The following SNTG1 variants were observed in gnomAD, a reference collection of about 807,000 sequenced individuals.
SNTG1 encodes the protein syntrophin gamma 1, also known as gamma-1-syntrophin.
A neutral mutation model predicts 74.7 loss-of-function variants in SNTG1; 39 were observed. The observed-to-expected ratio is 0.52, with a 90% confidence interval of 0.40 to 0.68. SNTG1 has a LOEUF of 0.68. SNTG1 is among the 30% of genes least tolerant of loss of function. The pLI is 0.00. For missense variants in SNTG1, 685 were observed against 609.5 expected, an observed-to-expected ratio of 1.12 and a Z score of -1.30; for synonymous variants, 254 against 217.1, an observed-to-expected ratio of 1.17 and a Z score of -1.49.
At chr8:50,067,960 C>T (rs1489780071) in intron 1 of SNTG1, among the ~76,000 whole-genome samples, 1 of 152,108 alleles carries the variant, frequency 6.6e-6, no homozygotes, top group East Asian at 1.9e-4. Context: ...GATTCCTCTA[C>T]GTGTATTTCA....
chr8:50,334,998 G>C (rs1563912526), intron 2 of SNTG1, among the ~76,000 whole-genome samples: 1 of 152,144 alleles, frequency 6.6e-6, no homozygotes, highest in Non-Finnish European at 1.5e-5. Context: ...TAATATTCCT[G>C]TGTGTGGTGC....
At chr8:50,087,775 T>A (rs1032681691) in intron 1 of SNTG1, among the ~76,000 whole-genome samples, 1 of 151,840 alleles carries the variant, frequency 6.6e-6, no homozygotes, top group African/African-American at 2.4e-5. Context: ...TTTATTTATT[T>A]TTTATTTATT....
At chr8:50,098,566 G>T (rs2080013981) in intron 1 of SNTG1, among the ~76,000 whole-genome samples, 1 of 152,210 alleles carries the variant, frequency 6.6e-6, no homozygotes, top group Non-Finnish European at 1.5e-5. Flanking sequence ...AACATCCGTG[G>T]ATTTTGTTTT....
intron 2 of SNTG1, among the ~76,000 whole-genome samples, chr8:50,241,474 T>C (rs1189270737): frequency 3.3e-5 from 5 of 152,174 alleles, no homozygotes; most frequent in Non-Finnish European, 7.3e-5. Context: ...GCTGCCACAG[T>C]GACAAAGATG....
upstream of SNTG1, chr8:49,911,079 C>A (rs904455472): frequency 6.2e-4 from 95 of 152,106 alleles, 1 homozygote; most frequent in African/African-American, 2.3e-3. Flanking sequence ...CTGTCTTTTT[C>A]ATTCTTTCAT....
chr8:50,199,789 C>T (rs1586666979), intron 2 of SNTG1, among the ~76,000 whole-genome samples: 1 of 152,110 alleles, frequency 6.6e-6, no homozygotes, highest in Non-Finnish European at 1.5e-5. Flanking sequence ...TGGGCCTTAT[C>T]TTAGCAGAGA....
intron 2 of SNTG1, among the ~76,000 whole-genome samples, chr8:50,274,085 GT>G (rs1326329659): frequency 6.6e-6 from 1 of 151,946 alleles, no homozygotes; most frequent in African/African-American, 2.4e-5. Flanking sequence ...AGTTTTTGTT[GT>G]TGTTGTTGTT....
chr8:50,433,697 G>T (rs1183107802), intron 4 of SNTG1, among the ~76,000 whole-genome samples: 1 of 152,050 alleles, frequency 6.6e-6, no homozygotes, highest in Non-Finnish European at 1.5e-5. Context: ...ATGTTTGAAT[G>T]AATATTTATT....
chr8:50,652,837 TA>T (rs1263891876), intron 13 of SNTG1, among the ~76,000 whole-genome samples: 4 of 151,696 alleles, frequency 2.6e-5, no homozygotes, highest in African/African-American at 9.7e-5. Flanking sequence ...AATAAATAAA[TA>T]AAAGGTATGT....
chr8:50,779,590 A>C (rs980563706), intron 18 of SNTG1, among the ~76,000 whole-genome samples: 7 of 149,890 alleles, frequency 4.7e-5, no homozygotes, highest in Admixed American at 6.6e-5. Context: ...TTATCAGCTT[A>C]AGGAGATTTT....
At chr8:50,042,325 T>A (rs1586019628) in intron 1 of SNTG1, among the ~76,000 whole-genome samples, 2 of 152,138 alleles carry the variant, frequency 1.3e-5, no homozygotes. Flanking sequence ...GCTGATGTGT[T>A]GTAGGTCCTA....
intron 17 of SNTG1, among the ~76,000 whole-genome samples, chr8:50,714,121 A>G (rs1173609329): frequency 2.0e-5 from 3 of 150,100 alleles, no homozygotes; most frequent in Non-Finnish European, 4.4e-5. Flanking sequence ...TTTTTGTCAG[A>G]TTTGTCAAAG....
intron 1 of SNTG1, among the ~76,000 whole-genome samples, chr8:50,135,232 G>A (rs2081435165): frequency 1.3e-5 from 2 of 152,182 alleles, no homozygotes; most frequent in Non-Finnish European, 2.9e-5. Context: ...CTTTCTGAAT[G>A]AAGTTCGGCT....
chr8:50,177,678 C>T (rs2083050611), intron 2 of SNTG1, among the ~76,000 whole-genome samples: 1 of 152,132 alleles, frequency 6.6e-6, no homozygotes, highest in South Asian at 2.1e-4. Flanking sequence ...CTTATAAGGC[C>T]CCTGCATACA....
chr8:50,231,862 T>A (rs2085645787), intron 2 of SNTG1, among the ~76,000 whole-genome samples: 1 of 151,364 alleles, frequency 6.6e-6, no homozygotes, highest in South Asian at 2.1e-4. Context: ...TGAGAGTAAA[T>A]TTCTCATGGT....
chr8:50,685,503 A>C (rs1431971377), intron 15 of SNTG1, among the ~76,000 whole-genome samples: 1 of 152,176 alleles, frequency 6.6e-6, no homozygotes, highest in Admixed American at 6.5e-5. Context: ...TTTACCTGTA[A>C]ATTTCAGAAT....
At chr8:50,151,590 A>C (rs1371365325) in intron 1 of SNTG1, among the ~76,000 whole-genome samples, 1 of 152,184 alleles carries the variant, frequency 6.6e-6, no homozygotes, top group East Asian at 1.9e-4. Flanking sequence ...AATGTGTCCC[A>C]GAGATTCTGG....
intron 2 of SNTG1, among the ~76,000 whole-genome samples, chr8:50,279,160 A>G (rs184380144): frequency 6.6e-6 from 1 of 152,308 alleles, no homozygotes; most frequent in East Asian, 1.9e-4. Flanking sequence ...AATAATTTAC[A>G]ATCTAATTGA....
At chr8:50,002,560 T>A (rs1814840921) in intron 1 of SNTG1, among the ~76,000 whole-genome samples, 1 of 152,132 alleles carries the variant, frequency 6.6e-6, no homozygotes, top group Non-Finnish European at 1.5e-5. Context: ...GAAAGAAATA[T>A]AAAACTATAT....
Sources: gnomAD v4.1 joint callset for allele counts (sites outside exome capture counted in the v4.1 genomes callset) on GRCh38, gnomAD v4.1.1 for gene constraint, MANE v1.5 for transcripts, NCBI Gene and HGNC (gene_info 2026-07-23, HGNC 2026-07-21) for gene names.